SLC22A25: variants seen among roughly 807,000 people sequenced by gnomAD.
SLC22A25 encodes the protein solute carrier family 22 member 25.
Under a neutral mutation model 45.9 loss-of-function variants are expected in SLC22A25, and 44 were observed. The ratio of observed to expected loss-of-function variants is 0.96; its 90% CI spans 0.75 to 1.23. The LOEUF (loss-of-function observed/expected upper bound fraction) is 1.23. Ranked by LOEUF, SLC22A25 falls within the 50% of genes most tolerant of loss-of-function variation. The pLI, the probability that SLC22A25 is intolerant of heterozygous loss-of-function variation, is 0.00. For synonymous variants in SLC22A25, 283 were observed against 238.6 expected, an observed-to-expected ratio of 1.19 and a Z score of -1.72; for missense variants, 800 against 666.4, an observed-to-expected ratio of 1.20 and a Z score of -2.21.
rs2087560396 is a variant in SLC22A25, at chr11:63,162,953, G to T, written c.*871C>A. Among the ~76,000 whole-genome samples the T allele has an allele frequency of 6.6e-6, 1 of 152,046 alleles. No individual in the cohort carries two copies. Among genetic ancestry groups the T allele is most frequent in the African/African-American group, 2.4e-5 (1 of 41,388 alleles). On this transcript the variant is annotated 3_prime_UTR_variant, in exon 12 of 12. Transcript: ENST00000306494. ...AGGTATCTTCCTGCCCTGCTTTTCT[G>T]GAGCATCTTCTCCTGGTGCAAATAT...
chr11:63,183,581 G>A, intron 8 of SLC22A25, 113 bp downstream of exon 8: 1 of 1,340,768 alleles, frequency 7.5e-7, no homozygotes, highest in Non-Finnish European at 1.0e-6. Flanking sequence ...GAGGTGAGAT[G>A]ACCCATAACT....
intron 5 of SLC22A25, among the ~76,000 whole-genome samples, chr11:63,226,932 AG>A (rs1270505860): frequency 2.6e-5 from 4 of 152,182 alleles, no homozygotes; most frequent in African/African-American, 9.6e-5. Context: ...ATACCGCCAC[AG>A]GCCCATGTGG....
Position 63,217,576 on chromosome 11 carries a change from C to G in SLC22A25, c.661+5G>C, listed in dbSNP as rs1330111286. On this transcript the variant is annotated splice_donor_5th_base_variant and intron_variant, in intron 6 of 11. Transcript: ENST00000306494. ...GGAAAATGTGGATCGAAAATATTGA[C>G]TTACTTAACAAAACAGTATTTACAA... 1 of 1,611,406 alleles carries G rather than the reference C, an allele frequency of 6.2e-7. No homozygotes were observed.
Position 63,160,249 on chromosome 11 carries a change from TGGAGGCCTA to T in SLC22A25, c.*3566_*3574del, listed in dbSNP as rs1182481862. ...GTGACAGCCCTTCCTATCACAGGCC[TGGAGGCCTA>T]GGAGGTCCAGGTGCCCCTGCTGTGT... On this transcript the variant is annotated 3_prime_UTR_variant, in exon 12 of 12. Coordinates refer to ENST00000306494, the MANE Select transcript of SLC22A25 (RefSeq NM_199352.6). Among the ~76,000 whole-genome samples, 1 of 152,174 alleles carries T rather than the reference TGGAGGCCTA, an allele frequency of 6.6e-6. No individual in the cohort carries two copies. The highest frequency in any genetic ancestry group is 1.5e-5 in the Non-Finnish European group (1 of 68,026).
chr11:63,217,425 G>C lies in SLC22A25; in HGVS notation c.719C>G (p.Ala240Gly), dbSNP rs1281843428. ...CAGGGTTATATGTCCAATACTAGCA[G>C]CACAAAGTGTCAATGTCAATGCCAT... ...CAMALTLTLC[A>G]ASIGHITLGS... is the part of the protein sequence containing the mutation. Residue 240 changes from alanine to glycine, a missense_variant, in exon 7 of 12, where the codon GCT becomes GGT. Transcript: ENST00000306494. 1 of 1,614,076 alleles carries C rather than the reference G, an allele frequency of 6.2e-7. No individual in the cohort carries two copies.
At chr11:63,191,014 A>G (rs2088789690) in intron 7 of SLC22A25, among the ~76,000 whole-genome samples, 1 of 152,250 alleles carries the variant, frequency 6.6e-6, no homozygotes, top group African/African-American at 2.4e-5. Flanking sequence ...TTGAGGAGGC[A>G]GTCTGCCCAT....
At position 63,159,732 on chromosome 11, in the gene SLC22A25, C is replaced by A. The variant is rs2087519505; in HGVS notation, c.*4092G>T. Among the ~76,000 whole-genome samples the A allele has an allele frequency of 6.6e-6, 1 of 152,100 alleles. No homozygotes were observed. Among genetic ancestry groups the A allele is most frequent in the African/African-American group, 2.4e-5 (1 of 41,394 alleles). ...AATATTTGGAGGGCTCAGAAGAAGA[C>A]AGGAAAATGTTGGAAAGTTTGGAAC... is the stretch of plus-strand genomic sequence containing the variant. On this transcript the variant is annotated 3_prime_UTR_variant, in exon 12 of 12. Coordinates refer to ENST00000306494, the MANE Select transcript of SLC22A25 (RefSeq NM_199352.6).
intron 7 of SLC22A25, among the ~76,000 whole-genome samples, chr11:63,184,427 T>A (rs1419209353): frequency 6.6e-6 from 1 of 152,102 alleles, no homozygotes; most frequent in Non-Finnish European, 1.5e-5. Context: ...CTGTATTAAA[T>A]CTGTAATTAT....
At chr11:63,212,789 A>C (rs2134804913) in intron 7 of SLC22A25, among the ~76,000 whole-genome samples, 1 of 145,994 alleles carries the variant, frequency 6.8e-6, no homozygotes, top group Admixed American at 7.1e-5. Flanking sequence ...GTACCCTAAA[A>C]CTTAAAGTAT....
At chr11:63,186,932 G>A (rs1479766008) in intron 7 of SLC22A25, among the ~76,000 whole-genome samples, 1 of 152,186 alleles carries the variant, frequency 6.6e-6, no homozygotes, top group Non-Finnish European at 1.5e-5. Flanking sequence ...GTACCATGCT[G>A]TTTTGGTGAC....
chr11:63,211,151 T>C (rs953712269), intron 7 of SLC22A25, among the ~76,000 whole-genome samples: 8 of 152,124 alleles, frequency 5.3e-5, no homozygotes, highest in Non-Finnish European at 8.8e-5. Context: ...AACAGACCCC[T>C]GGGTGGTAGT....
In SLC22A25 at chr11:63,198,372, A is replaced by C. The variant is rs146411550; in HGVS notation, c.831-14555T>G. Among the ~76,000 whole-genome samples, 202 of 152,298 alleles carry C rather than the reference A, an allele frequency of 1.3e-3. 1 individual carries two copies. Among genetic ancestry groups the C allele is most frequent in the African/African-American group, 4.3e-3 (178 of 41,562 alleles). Reference sequence around the variant, plus strand: ...GGATTAAGAAAATATGACACATATAAACCATGGAATACTATGCAGCCATAA... The same window carrying C: ...GGATTAAGAAAATATGACACATATACACCATGGAATACTATGCAGCCATAA... On this transcript the variant is annotated intron_variant, in intron 7 of 11. Transcript: ENST00000306494.
At chr11:63,196,303 A>C (rs2089027414) in intron 7 of SLC22A25, among the ~76,000 whole-genome samples, 2 of 152,328 alleles carry the variant, frequency 1.3e-5, no homozygotes, top group South Asian at 2.1e-4. Context: ...ACAACAACAA[A>C]AAAAAGAATT....
In SLC22A25 at chr11:63,238,718, CA is replaced by C. The variant is rs1280667329; in HGVS notation, c.-579del. The C allele has an allele frequency of 5.0e-6, 1 of 198,060 alleles. No individual in the cohort carries two copies. Among genetic ancestry groups the C allele is most frequent in the Non-Finnish European group, 1.1e-5 (1 of 87,862 alleles). The allele number at this position is 198,060 out of a possible 1,614,324, so 12.3% of individuals were successfully genotyped here. A position where few individuals can be genotyped will look rare whatever the true frequency, so the allele number is the denominator to read the frequency against. ...TAGGAGGAAATTGGGGCCTCTTACC[CA>C]GTCACGATGGTGGAGAGGAAGGAGC... is the stretch of plus-strand genomic sequence containing the variant. On this transcript the variant is annotated splice_region_variant and 5_prime_UTR_variant, in exon 2 of 12. An upstream open reading frame in the 5' UTR loses its in-frame stop. Coordinates refer to ENST00000306494, the MANE Select transcript of SLC22A25 (RefSeq NM_199352.6).
chr11:63,159,005 T>C lies in SLC22A25; in HGVS notation c.*4819A>G, dbSNP rs781681823. Reference sequence around the variant, plus strand: ...CACACAAATAAGCAAGAACATGTGATGTTTGTCTTTCTGTGCCTGGCTTAT... The same window carrying C: ...CACACAAATAAGCAAGAACATGTGACGTTTGTCTTTCTGTGCCTGGCTTAT... On this transcript the variant is annotated 3_prime_UTR_variant, in exon 12 of 12. Transcript: ENST00000306494. Among the ~76,000 whole-genome samples, 1 of 152,164 alleles carries C rather than the reference T, an allele frequency of 6.6e-6. No homozygotes were observed. The highest frequency in any genetic ancestry group is 1.5e-5 in the Non-Finnish European group (1 of 68,024).
chr11:63,214,272 G>A (rs111891933), intron 7 of SLC22A25, among the ~76,000 whole-genome samples: 6,044 of 152,228 alleles, frequency 0.04, 158 homozygotes, highest in Non-Finnish European at 0.065. Context: ...ACACTACTGC[G>A]CAGTTGATAG....
chr11:63,216,665 G>A (rs1317780081), intron 7 of SLC22A25, among the ~76,000 whole-genome samples: 3 of 152,154 alleles, frequency 2.0e-5, no homozygotes, highest in Non-Finnish European at 4.4e-5. Context: ...ATAAGTGGGA[G>A]CTAAAGGTGG....
chr11:63,217,856 C>A (rs888301477), intron 5 of SLC22A25, 121 bp from the exon 6 acceptor site: 5 of 1,195,246 alleles, frequency 4.2e-6, no homozygotes, highest in Non-Finnish European at 4.6e-6. Flanking sequence ...ACACTTAAAA[C>A]GTTAAAGAAT....
chr11:63,182,409 G>T (rs2088362374), intron 8 of SLC22A25, among the ~76,000 whole-genome samples: 1 of 151,844 alleles, frequency 6.6e-6, no homozygotes, highest in South Asian at 2.1e-4. Flanking sequence ...TAGGTCACAT[G>T]CTAGGTGTGT....
Sources: allele counts gnomAD v4.1 joint callset (sites outside exome capture counted in the v4.1 genomes callset), GRCh38; gene constraint gnomAD v4.1.1; transcripts MANE v1.5; gene names NCBI Gene and HGNC (gene_info 2026-07-23, HGNC 2026-07-21).